CDH11: variants seen among roughly 807,000 people sequenced by gnomAD.
The protein encoded by CDH11 is cadherin-11.
CDH11 carries 11 observed loss-of-function variants against 67.8 expected under a neutral mutation model. The ratio of observed to expected loss-of-function variants is 0.16; its 90% CI spans 0.10 to 0.27. CDH11 has a LOEUF of 0.27. Ranked by LOEUF, CDH11 falls within the 10% of genes least tolerant of loss-of-function variation. The probability of loss-of-function intolerance (pLI) is 1.00; values close to 1 mark genes in which losing one functional copy is unlikely to be tolerated. For synonymous variants in CDH11, 419 were observed against 400.0 expected (o/e 1.05, Z -0.57); for missense variants, 847 against 1,031.2 (o/e 0.82, Z 2.45).
intron 1 of CDH11, among the ~76,000 whole-genome samples, chr16:65,086,347 T>C (rs915483768): frequency 8.5e-5 from 13 of 152,148 alleles, no homozygotes; most frequent in African/African-American, 3.1e-4. Flanking sequence ...TAAAGCCACC[T>C]CAAGGGTTCC....
chr16:65,041,710 G>A (rs556033616), intron 2 of CDH11, among the ~76,000 whole-genome samples: 17 of 152,246 alleles, frequency 1.1e-4, no homozygotes, highest in South Asian at 2.1e-4. Flanking sequence ...TTTATTCTCC[G>A]CGTTTGCTTG....
intron 2 of CDH11, among the ~76,000 whole-genome samples, chr16:65,008,461 T>G (rs1192042991): frequency 6.6e-6 from 1 of 152,212 alleles, no homozygotes; most frequent in Admixed American, 6.5e-5. Flanking sequence ...AGATTCACTT[T>G]CAGAATGAAA....
chr16:64,997,261 C>T (rs549411482), intron 4 of CDH11, among the ~76,000 whole-genome samples: 41 of 150,516 alleles, frequency 2.7e-4, no homozygotes, highest in African/African-American at 2.0e-4. Flanking sequence ...GATGGCATTA[C>T]GGCACTCCAG....
chr16:65,071,342 G>C (rs546787293), intron 1 of CDH11, among the ~76,000 whole-genome samples: 1 of 152,122 alleles, frequency 6.6e-6, no homozygotes, highest in African/African-American at 2.4e-5. Flanking sequence ...ACACACAAAC[G>C]CGTGCATACA....
intron 7 of CDH11, chr16:64,985,050 G>T (rs1417949929): frequency 6.6e-6 from 1 of 152,072 alleles, no homozygotes; most frequent in Non-Finnish European, 1.5e-5. Context: ...GAGATAGATG[G>T]GATTCCCATT....
chr16:65,036,105 C>T (rs1329833957), intron 2 of CDH11, among the ~76,000 whole-genome samples: 1 of 152,152 alleles, frequency 6.6e-6, no homozygotes, highest in Non-Finnish European at 1.5e-5. Context: ...AATTTGCACA[C>T]AGCCCTGTGT....
intron 11 of CDH11, among the ~76,000 whole-genome samples, chr16:64,953,144 T>A (rs1042472360): frequency 6.6e-6 from 1 of 152,128 alleles, no homozygotes; most frequent in Non-Finnish European, 1.5e-5. Flanking sequence ...CAATTTTTTG[T>A]TGTTTTCTGT....
intron 4 of CDH11, among the ~76,000 whole-genome samples, 162 bp from the exon 5 acceptor site, chr16:64,993,196 A>ACCTACCTTCCTTCCTTCCTT (rs1555516114): frequency 6.8e-6 from 1 of 147,102 alleles, no homozygotes; most frequent in Non-Finnish European, 1.5e-5. Flanking sequence ...CAGCCAACCA[A>ACCTACCTTCCTTCCTTCCTT]CCTTCCTTCC....
intron 11 of CDH11, among the ~76,000 whole-genome samples, chr16:64,951,548 C>A (rs911162347): frequency 6.6e-6 from 1 of 152,018 alleles, no homozygotes; most frequent in Non-Finnish European, 1.5e-5. Flanking sequence ...CCTTTAAAGG[C>A]AAGCCTGTCA....
At chr16:65,064,761 A>T (rs1000059267) in intron 1 of CDH11, among the ~76,000 whole-genome samples, 3 of 152,240 alleles carry the variant, frequency 2.0e-5, no homozygotes. Context: ...AAATTAGAGC[A>T]ATATAATTTT....
chr16:65,104,514 G>C (rs930919572), intron 1 of CDH11, among the ~76,000 whole-genome samples: 37 of 152,116 alleles, frequency 2.4e-4, no homozygotes, highest in Admixed American at 2.2e-3. Flanking sequence ...AGGTGCCACT[G>C]TCATCCCAAG....
At chr16:64,998,911 C>T in intron 3 of CDH11, 55 bp from the exon 4 acceptor site, 1 of 1,473,210 alleles carries the variant, frequency 6.8e-7, no homozygotes, top group Non-Finnish European at 9.4e-7. Flanking sequence ...AGTGGGGAAA[C>T]TCACTTACAA....
At chr16:65,000,180 G>A (rs928852292) in intron 3 of CDH11, among the ~76,000 whole-genome samples, 1 of 152,142 alleles carries the variant, frequency 6.6e-6, no homozygotes, top group Admixed American at 6.5e-5. Flanking sequence ...AATCAACTAG[G>A]TCTCTTAACT....
intron 2 of CDH11, among the ~76,000 whole-genome samples, chr16:65,041,152 C>T (rs571230125): frequency 6.6e-6 from 1 of 152,332 alleles, no homozygotes; most frequent in African/African-American, 2.4e-5. Flanking sequence ...GGATTGACAC[C>T]TGACATCTTC....
In CDH11 at chr16:64,945,320, GAA is replaced by G. The variant is rs869111651; in HGVS notation, c.*2281_*2282del. The G allele has an allele frequency of 1.6e-5, 5 of 310,370 alleles. No homozygotes were observed. The highest frequency in any genetic ancestry group is 2.1e-5 in the Non-Finnish European group (5 of 234,184). 19.2% of individuals were successfully genotyped at this position (310,370 alleles called of 1,614,324 possible). On this transcript the variant is annotated 3_prime_UTR_variant, in exon 13 of 13. Coordinates refer to ENST00000268603, the MANE Select transcript of CDH11 (RefSeq NM_001797.4). ...AAAAGGTAAAAAAAAAAAAAAAAAA[GAA>G]AAAGAAAAACAAGTATTCTTAACTA... is the stretch of plus-strand genomic sequence containing the variant.
intron 1 of CDH11, among the ~76,000 whole-genome samples, chr16:65,101,916 T>C (rs982464521): frequency 1.3e-5 from 2 of 152,214 alleles, no homozygotes; most frequent in African/African-American, 4.8e-5. Flanking sequence ...TTCTGATAAA[T>C]GGGTGGATGG....
intron 1 of CDH11, among the ~76,000 whole-genome samples, chr16:65,114,307 C>G (rs765929287): frequency 2.0e-5 from 3 of 152,144 alleles, no homozygotes; most frequent in Non-Finnish European, 4.4e-5. Flanking sequence ...TGAGCAGTCA[C>G]ACCAGCTCTT....
At chr16:65,033,237 A>AACACACACACACACACACACAC (rs57645922) in intron 2 of CDH11, among the ~76,000 whole-genome samples, 2 of 139,518 alleles carry the variant, frequency 1.4e-5, no homozygotes, top group African/African-American at 5.3e-5. Context: ...AAACTAGGAA[A>AACACACACACACACACACACAC]ACACACACAC....
At chr16:64,986,556 G>A (rs954025468) in intron 7 of CDH11, 1 of 151,890 alleles carries the variant, frequency 6.6e-6, no homozygotes, top group Non-Finnish European at 1.5e-5. Flanking sequence ...ATGTTCATAT[G>A]TCAGTGTCAA....
Sources: allele counts gnomAD v4.1 joint callset (sites outside exome capture counted in the v4.1 genomes callset), GRCh38; gene constraint gnomAD v4.1.1; transcripts MANE v1.5; gene names NCBI Gene and HGNC (gene_info 2026-07-23, HGNC 2026-07-21).